Variants in HS3ST3A1 observed in about 807,000 individuals in gnomAD.
HS3ST3A1 encodes heparan sulfate glucosamine 3-O-sulfotransferase 3A1.
A neutral mutation model predicts 25.7 loss-of-function variants in HS3ST3A1; 19 were observed. The observed-to-expected ratio is 0.74, with a 90% confidence interval of 0.52 to 1.08. The LOEUF is 1.08. Ranked by LOEUF, HS3ST3A1 falls within the 50% of genes least tolerant of loss-of-function variation. HS3ST3A1 has a pLI of 0.00. For missense variants in HS3ST3A1, 459 were observed against 594.3 expected, an observed-to-expected ratio of 0.77 and a Z score of 2.37; for synonymous variants, 226 against 278.6, an observed-to-expected ratio of 0.81 and a Z score of 1.88.
intron 1 of HS3ST3A1, among the ~76,000 whole-genome samples, chr17:13,556,958 A>G (rs1298379314): frequency 6.6e-6 from 1 of 152,152 alleles, no homozygotes; most frequent in Non-Finnish European, 1.5e-5. Flanking sequence ...TATCCTCAGG[A>G]CAGCGAACAG....
intron 1 of HS3ST3A1, among the ~76,000 whole-genome samples, chr17:13,528,771 T>C (rs1906514607): frequency 6.6e-6 from 1 of 152,018 alleles, no homozygotes; most frequent in Non-Finnish European, 1.5e-5. Flanking sequence ...GGAAACTGCA[T>C]TTGAGTTGAC....
At chr17:13,540,655 G>C (rs35808530) in intron 1 of HS3ST3A1, among the ~76,000 whole-genome samples, 1 of 152,142 alleles carries the variant, frequency 6.6e-6, no homozygotes, top group Non-Finnish European at 1.5e-5. Context: ...AAGGAGAGGT[G>C]TGACTTACCA....
intron 1 of HS3ST3A1, among the ~76,000 whole-genome samples, chr17:13,519,637 G>A (rs1906166758): frequency 1.3e-5 from 2 of 152,118 alleles, no homozygotes; most frequent in Admixed American, 6.6e-5. Context: ...ATCTTCTTGA[G>A]ATTGACCTAA....
At chr17:13,507,457 T>C (rs998622634) in intron 1 of HS3ST3A1, among the ~76,000 whole-genome samples, 7 of 152,230 alleles carry the variant, frequency 4.6e-5, no homozygotes, top group Admixed American at 3.9e-4. Context: ...CCAGGGAACA[T>C]CAGAGTGACT....
chr17:13,533,773 CTAGAGTA>C (rs1906685641), intron 1 of HS3ST3A1, among the ~76,000 whole-genome samples: 2 of 152,172 alleles, frequency 1.3e-5, no homozygotes, highest in East Asian at 1.9e-4. Context: ...AGATCATAGT[CTAGAGTA>C]TAAAGTTCTT....
rs908009909 is a variant in HS3ST3A1 at position 13,572,770 on chromosome 17, G to A, written c.599+27761C>T. Among the ~76,000 whole-genome samples, 4 of 152,326 alleles carry A rather than the reference G, an allele frequency of 2.6e-5. No homozygotes were observed. The East Asian group carries it at 7.7e-4, about 29-fold the overall frequency. ...TTTCTGAGTTTTTACCATGTGCAAG[G>A]CACTGTGCCAGAAACCACAGGAAAA... On this transcript the variant is annotated intron_variant, in intron 1 of 1. Coordinates refer to ENST00000284110, the MANE Select transcript of HS3ST3A1 (RefSeq NM_006042.3).
chr17:13,594,513 G>T (rs1187782930), intron 1 of HS3ST3A1, among the ~76,000 whole-genome samples: 1 of 152,160 alleles, frequency 6.6e-6, no homozygotes, highest in Non-Finnish European at 1.5e-5. Context: ...ACAGGGGAAG[G>T]AACAGGCCTG....
chr17:13,512,796 T>C (rs886282475), intron 1 of HS3ST3A1, among the ~76,000 whole-genome samples: 1 of 152,184 alleles, frequency 6.6e-6, no homozygotes, highest in Non-Finnish European at 1.5e-5. Flanking sequence ...TATGTAGTAG[T>C]TCATGATCTG....
intron 1 of HS3ST3A1, among the ~76,000 whole-genome samples, chr17:13,575,659 A>G (rs2142377143): frequency 6.6e-6 from 1 of 152,330 alleles, no homozygotes; most frequent in Middle Eastern, 3.4e-3. Context: ...AATAGAAGAT[A>G]AGAAGGGAGG....
Position 13,599,874 on chromosome 17 carries a change from C to T in HS3ST3A1, c.599+657G>A, listed in dbSNP as rs193230496. ...AAAAGACAAAAGTTACTTTTCCCTG[C>T]AAATATCAAAAGCACTTTACAAAAC... is the stretch of plus-strand genomic sequence containing the variant. On this transcript the variant is annotated intron_variant, in intron 1 of 1. Transcript: ENST00000284110. Among the ~76,000 whole-genome samples, 9 of 152,318 alleles carry T rather than the reference C, an allele frequency of 5.9e-5. No homozygotes were observed. The East Asian group carries it at 1.5e-3, about 26-fold the overall frequency.
intron 1 of HS3ST3A1, among the ~76,000 whole-genome samples, chr17:13,579,721 AAAAAAAAT>A (rs1908053669): frequency 6.7e-6 from 1 of 149,038 alleles, no homozygotes; most frequent in Non-Finnish European, 1.5e-5. Context: ...AAAAAAAAAA[AAAAAAAAT>A]CATAAGAAAT....
chr17:13,537,810 A>G (rs1225113834), intron 1 of HS3ST3A1, among the ~76,000 whole-genome samples: 1 of 152,198 alleles, frequency 6.6e-6, no homozygotes, highest in Non-Finnish European at 1.5e-5. Flanking sequence ...AGGTGGTGGC[A>G]CTGGCAAAGC....
chr17:13,581,771 A>T lies in HS3ST3A1; in HGVS notation c.599+18760T>A, dbSNP rs182393826. ...TTTAATAAACTTTGGTCTATCAGAT[A>T]AGTATTGGGCTAAATGACCCCAAGT... On this transcript the variant is annotated intron_variant, in intron 1 of 1. Transcript: ENST00000284110. Among the ~76,000 whole-genome samples the T allele has an allele frequency of 1.2e-3, 190 of 152,332 alleles. 2 individuals are homozygous for T. The highest frequency in any genetic ancestry group is 4.4e-3 in the African/African-American group (183 of 41,584).
At chr17:13,596,256 C>T (rs539850450) in intron 1 of HS3ST3A1, among the ~76,000 whole-genome samples, 68 of 152,128 alleles carry the variant, frequency 4.5e-4, no homozygotes, top group Non-Finnish European at 8.2e-4. Context: ...GTTTAATGCC[C>T]GGACTATGAT....
At chr17:13,545,083 TG>T (rs755136788) in intron 1 of HS3ST3A1, among the ~76,000 whole-genome samples, 12 of 152,182 alleles carry the variant, frequency 7.9e-5, no homozygotes, top group Non-Finnish European at 1.8e-4. Flanking sequence ...TGGTAGTAAC[TG>T]GCATGTGCGC....
intron 1 of HS3ST3A1, among the ~76,000 whole-genome samples, chr17:13,499,745 A>G (rs1171144301): frequency 6.6e-6 from 1 of 152,176 alleles, no homozygotes; most frequent in African/African-American, 2.4e-5. Context: ...AGAGTAGGGA[A>G]AAGAGCTATC....
At chr17:13,578,370 A>T (rs982288539) in intron 1 of HS3ST3A1, among the ~76,000 whole-genome samples, 11 of 148,544 alleles carry the variant, frequency 7.4e-5, no homozygotes, top group Non-Finnish European at 8.9e-5. Flanking sequence ...CAACACGGTG[A>T]AATCCCCGTC....
intron 1 of HS3ST3A1, among the ~76,000 whole-genome samples, chr17:13,497,302 A>G (rs1905315595): frequency 6.6e-6 from 1 of 152,244 alleles, no homozygotes; most frequent in Non-Finnish European, 1.5e-5. Flanking sequence ...TACACAAAAT[A>G]CTTATGTTTG....
intron 1 of HS3ST3A1, among the ~76,000 whole-genome samples, chr17:13,593,015 C>G (rs1413292019): frequency 6.6e-6 from 1 of 152,104 alleles, no homozygotes; most frequent in Non-Finnish European, 1.5e-5. Context: ...GTTAATTGTT[C>G]CAGGTCTGTT....
Sources: gnomAD v4.1 joint callset for allele counts (sites outside exome capture counted in the v4.1 genomes callset) on GRCh38, gnomAD v4.1.1 for gene constraint, MANE v1.5 for transcripts, NCBI Gene and HGNC (gene_info 2026-07-23, HGNC 2026-07-21) for gene names.